DYNLT5: variants seen among roughly 807,000 people sequenced by gnomAD.
DYNLT5 encodes the protein dynein light chain Tctex-type family member 5.
In DYNLT5, 25 loss-of-function variants were observed where a neutral mutation model predicts 19.3. The observed-to-expected ratio is 1.30, with a 90% CI of 0.95 to 1.81. The LOEUF (loss-of-function observed/expected upper bound fraction) is 1.81. Ranked by LOEUF, DYNLT5 falls within the 40% of genes most tolerant of loss-of-function variation. DYNLT5 has a pLI of 0.00. For missense variants in DYNLT5, 232 were observed against 217.9 expected, an observed-to-expected ratio of 1.06 and a Z score of -0.41; for synonymous variants, 82 against 68.9, an observed-to-expected ratio of 1.19 and a Z score of -0.94.
chr1:66,760,183 C>A (rs533653805), intron 2 of DYNLT5, among the ~76,000 whole-genome samples: 2 of 152,282 alleles, frequency 1.3e-5, no homozygotes, highest in African/African-American at 4.8e-5. Context: ...GCATGTATCA[C>A]CTTTTATCAT....
At chr1:66,752,702 C>T (rs2094628042) in intron 1 of DYNLT5, 118 bp downstream of exon 1, 1 of 582,868 alleles carries the variant, frequency 1.7e-6, no homozygotes, top group Non-Finnish European at 2.2e-6. Context: ...CACCTTATTC[C>T]TCCTCTCCCC....
At chr1:66,761,971 A>G (rs756512154) in intron 2 of DYNLT5, among the ~76,000 whole-genome samples, 1 of 152,146 alleles carries the variant, frequency 6.6e-6, no homozygotes, top group Non-Finnish European at 1.5e-5. Flanking sequence ...AACTAAGTGT[A>G]TGTAATATTC....
intron 2 of DYNLT5, among the ~76,000 whole-genome samples, chr1:66,761,720 G>T (rs1262486766): frequency 6.6e-6 from 1 of 152,116 alleles, no homozygotes; most frequent in Non-Finnish European, 1.5e-5. Flanking sequence ...TGAGGTTGCA[G>T]TGAGCTTTGA....
chr1:66,776,510 AAAATGCGTATTTAT>A, intron 4 of DYNLT5, 107 bp downstream of exon 4: 1 of 1,349,840 alleles, frequency 7.4e-7, no homozygotes, highest in Admixed American at 2.4e-5. Context: ...AGTAACAGTT[AAAATGCGTATTTAT>A]AATTAGGTCA....
chr1:66,762,677 C>T (rs1050329250), intron 2 of DYNLT5, among the ~76,000 whole-genome samples: 1 of 152,156 alleles, frequency 6.6e-6, no homozygotes, highest in African/African-American at 2.4e-5. Context: ...AATAGCCTTA[C>T]AAAATGAATT....
chr1:66,767,936 G>T (rs1645175529), intron 2 of DYNLT5, among the ~76,000 whole-genome samples: 2 of 152,088 alleles, frequency 1.3e-5, no homozygotes, highest in Non-Finnish European at 2.9e-5. Context: ...GGCCACAATA[G>T]CACAAAAAGA....
chr1:66,764,794 C>T lies in DYNLT5; in HGVS notation c.120-5593C>T, dbSNP rs2094651817. Among the ~76,000 whole-genome samples, 3 of 152,146 alleles carry T rather than the reference C, an allele frequency of 2.0e-5. No individual in the cohort carries two copies. The South Asian group carries it at 6.2e-4, about 32-fold the overall frequency. ...AGTGAGTCACAATAAATGAGATATG[C>T]CTGTACATAAAAATCCAGCAAATTT... On this transcript the variant is annotated intron_variant, in intron 2 of 4. Transcript: ENST00000282670.
At chr1:66,772,057 C>T (rs1474106842) in intron 3 of DYNLT5, among the ~76,000 whole-genome samples, 1 of 152,144 alleles carries the variant, frequency 6.6e-6, no homozygotes, top group Non-Finnish European at 1.5e-5. Context: ...TTTATTAATA[C>T]TTAATCAAAA....
intron 2 of DYNLT5, among the ~76,000 whole-genome samples, 193 bp from the exon 3 acceptor site, chr1:66,770,194 T>C (rs969702489): frequency 6.6e-6 from 1 of 152,198 alleles, no homozygotes; most frequent in African/African-American, 2.4e-5. Context: ...CTCCAAATAA[T>C]TCCTCTGCAT....
intron 2 of DYNLT5, among the ~76,000 whole-genome samples, chr1:66,762,101 AC>A (rs2094646942): frequency 6.6e-6 from 1 of 152,084 alleles, no homozygotes; most frequent in Admixed American, 6.6e-5. Flanking sequence ...GTTTAAGTTT[AC>A]CATGAGATTG....
Position 66,776,391 on chromosome 1 carries a change from A to T in DYNLT5, c.324A>T (p.Lys108Asn). 4 of 1,601,100 alleles carry T rather than the reference A, an allele frequency of 2.5e-6. No homozygotes were observed. The highest frequency in any genetic ancestry group is 3.4e-6 in the Non-Finnish European group (4 of 1,172,856). The change falls in exon 4 of 5, where the codon AAA (lysine) becomes AAT (asparagine). Residue 108 changes from lysine to asparagine, a missense_variant. Transcript: ENST00000282670. ...CAGAGCTCTGTAGACAGATGACTAA[A>T]ACCATTTCTGAGGTACGTGTGTGAT... ...YEPELCRQMT[K>N]TISEVIKAQV...
intron 2 of DYNLT5, among the ~76,000 whole-genome samples, chr1:66,755,303 G>A (rs2094634235): frequency 1.3e-5 from 2 of 151,564 alleles, no homozygotes; most frequent in Admixed American, 1.3e-4. Flanking sequence ...TTTACTATAT[G>A]TCTGTGCTTG....
rs1360572424 is a variant in DYNLT5 at position 66,777,314 on chromosome 1, A to G, written c.400A>G (p.Ile134Val). ...GTATAAACTAATTGTGATTGTTCACATTGGACAACTGAACAGGCAGAGCAT... is the reference window on the plus strand; with the variant it reads ...GTATAAACTAATTGTGATTGTTCACGTTGGACAACTGAACAGGCAGAGCAT... ...PRYKLIVIVH[I>V]GQLNRQSILI... The change falls in exon 5 of 5, where the codon ATT (isoleucine) becomes GTT (valine). Residue 134 changes from isoleucine to valine, a missense_variant. Transcript: ENST00000282670. The G allele has an allele frequency of 6.2e-7, 1 of 1,613,860 alleles. No individual in the cohort carries two copies. The highest frequency in any genetic ancestry group is 1.3e-5 in the African/African-American group (1 of 74,906).
intron 2 of DYNLT5, among the ~76,000 whole-genome samples, chr1:66,770,153 C>A (rs1225247548): frequency 6.6e-6 from 1 of 152,130 alleles, no homozygotes; most frequent in Non-Finnish European, 1.5e-5. Flanking sequence ...TGGGTAACTG[C>A]CCTGGGCTTC....
chr1:66,771,292 C>T (rs553471947), intron 3 of DYNLT5, among the ~76,000 whole-genome samples: 105 of 152,300 alleles, frequency 6.9e-4, no homozygotes, highest in Admixed American at 2.2e-3. Flanking sequence ...TTTCACAGTG[C>T]CTGTGGTGGA....
At chr1:66,756,413 T>G (rs572700684) in intron 2 of DYNLT5, among the ~76,000 whole-genome samples, 12 of 152,314 alleles carry the variant, frequency 7.9e-5, no homozygotes, top group African/African-American at 2.9e-4. Context: ...TTCTCCTTCA[T>G]GAATGAGGCT....
intron 3 of DYNLT5, among the ~76,000 whole-genome samples, chr1:66,772,074 T>C (rs528755833): frequency 5.1e-4 from 77 of 152,330 alleles, no homozygotes; most frequent in African/African-American, 1.8e-3. Context: ...AAAACTGTGT[T>C]TCCACTTCTA....
At chr1:66,758,800 T>C (rs1346085810) in intron 2 of DYNLT5, among the ~76,000 whole-genome samples, 1 of 152,210 alleles carries the variant, frequency 6.6e-6, no homozygotes, top group Admixed American at 6.6e-5. Flanking sequence ...CATTACTTCA[T>C]TTCAACAGTA....
intron 4 of DYNLT5, 30 bp downstream of exon 4, chr1:66,776,433 C>T (rs1232335531): frequency 6.4e-7 from 1 of 1,569,910 alleles, no homozygotes; most frequent in East Asian, 2.3e-5. Flanking sequence ...AAAGTGTTAA[C>T]AATAGCTAGA....
Sources: gnomAD v4.1 joint callset for allele counts (sites outside exome capture counted in the v4.1 genomes callset) on GRCh38, gnomAD v4.1.1 for gene constraint, MANE v1.5 for transcripts, NCBI Gene and HGNC (gene_info 2026-07-23, HGNC 2026-07-21) for gene names.